The following UBE3A variants were observed in gnomAD, a reference collection of about 807,000 sequenced individuals.
UBE3A encodes the protein ubiquitin-protein ligase E3A.
Under a neutral mutation model 83.4 loss-of-function variants are expected in UBE3A, and 6 were observed. The ratio of observed to expected loss-of-function variants is 0.07; its 90% CI spans 0.04 to 0.14. The LOEUF is 0.14. UBE3A is among the 10% of genes least tolerant of loss of function. The pLI is 1.00. For synonymous variants in UBE3A, 337 were observed against 355.4 expected (o/e 0.95, Z 0.58); for missense variants, 456 against 1,036.1 (o/e 0.44, Z 7.69).
At chr15:25,408,815 T>C (rs1435912551) in intron 3 of UBE3A, 3 of 856,730 alleles carry the variant, frequency 3.5e-6, no homozygotes, top group East Asian at 2.7e-5. Flanking sequence ...TTTTCTATAA[T>C]GTTTATAGTA....
At chr15:25,364,424 T>A (rs971656249) in intron 6 of UBE3A, among the ~76,000 whole-genome samples, 7 of 152,132 alleles carry the variant, frequency 4.6e-5, no homozygotes, top group African/African-American at 1.7e-4. Context: ...ACTGTAAAGG[T>A]GTATTCTTTA....
chr15:25,364,288 A>C (rs1048140861), intron 6 of UBE3A, among the ~76,000 whole-genome samples: 1 of 152,112 alleles, frequency 6.6e-6, no homozygotes, highest in Non-Finnish European at 1.5e-5. Context: ...TTATTAACAC[A>C]TAAAATTTAG....
intron 3 of UBE3A, chr15:25,408,316 T>G (rs1185436893): frequency 7.1e-6 from 3 of 422,022 alleles, no homozygotes; most frequent in Non-Finnish European, 1.3e-5. Flanking sequence ...TACTGCCAAG[T>G]TGCTGGAAGT....
intron 2 of UBE3A, among the ~76,000 whole-genome samples, chr15:25,411,594 A>T (rs1024983579): frequency 2.6e-5 from 4 of 151,884 alleles, no homozygotes; most frequent in African/African-American, 9.7e-5. Flanking sequence ...TGTCTCAAAA[A>T]CAACAGCAGC....
intron 2 of UBE3A, chr15:25,409,438 T>A (rs1175158441): frequency 4.5e-6 from 1 of 222,914 alleles, no homozygotes; most frequent in Non-Finnish European, 8.9e-6. Flanking sequence ...AATGTTATAG[T>A]TTCTGAAGCA....
At chr15:25,406,751 TAAAAAC>T (rs779547491) in intron 3 of UBE3A, among the ~76,000 whole-genome samples, 24 of 141,774 alleles carry the variant, frequency 1.7e-4, no homozygotes, top group Admixed American at 2.9e-4. Context: ...ATTTCTTAGC[TAAAAAC>T]AAAAACAAAA....
intron 4 of UBE3A, among the ~76,000 whole-genome samples, chr15:25,380,009 CAT>C (rs2081909652): frequency 6.6e-6 from 1 of 152,052 alleles, no homozygotes; most frequent in Non-Finnish European, 1.5e-5. Flanking sequence ...CCATAATTCT[CAT>C]GTGTTGTAGG....
intron 2 of UBE3A, among the ~76,000 whole-genome samples, chr15:25,411,573 G>C (rs1485008829): frequency 1.3e-5 from 2 of 152,184 alleles, no homozygotes; most frequent in African/African-American, 2.4e-5. Flanking sequence ...CTGGGCAACA[G>C]AGCAAGACTC....
Position 25,425,697 on chromosome 15 carries a change from TA to T in UBE3A, c.-165+12791del, listed in dbSNP as rs564963250. 7.3e-3 allele frequency among the ~76,000 whole-genome samples: 1,107 copies of T among 151,388 alleles called. 14 individuals are homozygous for T. Among genetic ancestry groups the T allele is most frequent in the African/African-American group, 0.025 (1,050 of 41,326 alleles). The stretch of plus-strand genomic sequence containing the variant: ...GAAACCTTTCATTTCTTCTTATACT[TA>T]AAAAAAAATAGCTTTTTATTTTTCT... On this transcript the variant is annotated intron_variant, in intron 1 of 12. Transcript: ENST00000648336.
chr15:25,380,745 T>C, intron 4 of UBE3A, among the ~76,000 whole-genome samples: 1 of 152,174 alleles, frequency 6.6e-6, no homozygotes, highest in East Asian at 1.9e-4. Context: ...TTCCATTGAC[T>C]TTTCTTATTA....
rs908201864 is a variant in UBE3A, at chr15:25,337,211, CCAT to C, written c.*1923_*1925del. Reference sequence around the variant, plus strand: ...TACAATTGTAGAACTTTAATAAATACCATAATAATAAAACTTGAGAACTGAAGA... The same window carrying C: ...TACAATTGTAGAACTTTAATAAATACAATAATAAAACTTGAGAACTGAAGA... On this transcript the variant is annotated 3_prime_UTR_variant, in exon 13 of 13. Transcript: ENST00000648336. 22 of 152,074 alleles carry C rather than the reference CCAT, an allele frequency of 1.4e-4. No homozygotes were observed. The highest frequency in any genetic ancestry group is 5.1e-4 in the African/African-American group (21 of 41,414). 9.4% of individuals were successfully genotyped at this position (152,074 alleles called of 1,614,324 possible).
In UBE3A at chr15:25,371,185, G is replaced by A. The variant is rs2080248369; in HGVS notation, c.989C>T (p.Ala330Val). 1 of 1,614,142 alleles carries A rather than the reference G, an allele frequency of 6.2e-7. No homozygotes were observed. Among genetic ancestry groups the A allele is most frequent in the East Asian group, 2.2e-5 (1 of 44,882 alleles). ...CTCCATCATTCTCCGAATCTGGTCT[G>A]CATTGTATTTAGACCACAGTCTGAT... ...KLIRLWSKYN[A>V]DQIRRMMETF... The change falls in exon 6 of 13, where the codon GCA (alanine) becomes GTA (valine). Residue 330 changes from alanine to valine, a missense_variant. Ala to Val is a moderately conservative substitution (Grantham distance 64, BLOSUM62 0). Transcript: ENST00000648336. This position sits in a 1 kb window ranked among gnomAD's most constrained non-coding sequence, Gnocchi z 5.3.
chr15:25,424,655 A>G (rs1170081260), intron 1 of UBE3A, among the ~76,000 whole-genome samples: 1 of 152,220 alleles, frequency 6.6e-6, no homozygotes, highest in Non-Finnish European at 1.5e-5. Flanking sequence ...AAAGATTCCT[A>G]TAACACAGTT....
intron 4 of UBE3A, among the ~76,000 whole-genome samples, chr15:25,402,610 C>A (rs1168200258): frequency 6.6e-6 from 1 of 152,086 alleles, no homozygotes. Flanking sequence ...GCCATGGGGG[C>A]CTGCCTAGCA....
chr15:25,367,250 CATATTTGT>C (rs1431745979), intron 6 of UBE3A, among the ~76,000 whole-genome samples: 4 of 71,726 alleles, frequency 5.6e-5, no homozygotes, highest in South Asian at 4.2e-4. Context: ...TAAATATTTG[CATATTTGT>C]AAATATGTAA....
chr15:25,393,534 C>A (rs1356311332), intron 4 of UBE3A, among the ~76,000 whole-genome samples: 1 of 152,038 alleles, frequency 6.6e-6, no homozygotes, highest in African/African-American at 2.4e-5. Context: ...GTTCTATGTA[C>A]TAAAGGTAAA....
At chr15:25,421,251 T>TC (rs1889694021) in intron 1 of UBE3A, among the ~76,000 whole-genome samples, 1 of 152,008 alleles carries the variant, frequency 6.6e-6, no homozygotes, top group Non-Finnish European at 1.5e-5. Flanking sequence ...ACACGCCTGC[T>TC]CCCCCTTTGC....
chr15:25,377,869 CTGATA>C lies in UBE3A; in HGVS notation c.63-2111_63-2107del, dbSNP rs901617259. The stretch of plus-strand genomic sequence containing the variant: ...TTCGACAAAGAACTGCCTAGTCTTC[CTGATA>C]TATCACTAACTGACAAAAGTCAGTT... On this transcript the variant is annotated intron_variant, in intron 4 of 12. Transcript: ENST00000648336. Among the ~76,000 whole-genome samples, 103 of 152,198 alleles carry C rather than the reference CTGATA, an allele frequency of 6.8e-4. 1 individual carries two copies. The highest frequency in any genetic ancestry group is 2.3e-3 in the African/African-American group (97 of 41,530).
At chr15:25,368,330 T>G (rs1473890562) in intron 6 of UBE3A, among the ~76,000 whole-genome samples, 1 of 152,118 alleles carries the variant, frequency 6.6e-6, no homozygotes, top group Non-Finnish European at 1.5e-5. Context: ...TCAATTTTAC[T>G]TATAAGACCT....
Sources: gnomAD v4.1 joint callset for allele counts (sites outside exome capture counted in the v4.1 genomes callset) on GRCh38, gnomAD v4.1.1 for gene constraint, Gnocchi (gnomAD v3.1) non-coding constraint, MANE v1.5 for transcripts, NCBI Gene and HGNC (gene_info 2026-07-23, HGNC 2026-07-21) for gene names.